Variants in PPFIA2 observed in about 807,000 individuals in gnomAD.
The protein encoded by PPFIA2 is PPFI scaffold protein A2.
In PPFIA2, 46 loss-of-function variants were observed where a neutral mutation model predicts 175.5. That is an observed-to-expected ratio of 0.26 (90% CI 0.21 to 0.34). The LOEUF is 0.34. Among genes scored for constraint, PPFIA2 ranks in the 10% least tolerant of loss-of-function variants. The pLI is 1.00. For missense variants in PPFIA2, 1,179 were observed against 1,506.1 expected (o/e 0.78, Z 3.60); for synonymous variants, 568 against 511.4 (o/e 1.11, Z -1.49).
At chr12:81,398,863 A>C (rs568671287) in intron 8 of PPFIA2, among the ~76,000 whole-genome samples, 1 of 152,138 alleles carries the variant, frequency 6.6e-6, no homozygotes, top group East Asian at 1.9e-4. Context: ...GACAATACTA[A>C]GAGTTAAAAT....
At chr12:81,681,614 C>T (rs538683237) in intron 3 of PPFIA2, among the ~76,000 whole-genome samples, 1 of 151,792 alleles carries the variant, frequency 6.6e-6, no homozygotes, top group East Asian at 2.0e-4. Flanking sequence ...TTTCCCTTGA[C>T]AAACACTTTG....
chr12:81,333,863 A>G (rs1293227780), intron 21 of PPFIA2, among the ~76,000 whole-genome samples: 4 of 152,146 alleles, frequency 2.6e-5, no homozygotes, highest in African/African-American at 4.8e-5. Flanking sequence ...AGTGAGTCCT[A>G]ATCATGCCAC....
chr12:81,416,741 G>C (rs1312284635), intron 7 of PPFIA2, among the ~76,000 whole-genome samples: 3 of 151,590 alleles, frequency 2.0e-5, no homozygotes, highest in Non-Finnish European at 4.4e-5. Flanking sequence ...CTGCTAACTT[G>C]GTTTAGTTTC....
chr12:81,511,874 C>T (rs531988470), intron 4 of PPFIA2, among the ~76,000 whole-genome samples: 1 of 151,630 alleles, frequency 6.6e-6, no homozygotes, highest in Non-Finnish European at 1.5e-5. Context: ...AGAAAGAGTC[C>T]TTTCTTCTAC....
At chr12:81,307,227 A>AC (rs2049483066) in intron 22 of PPFIA2, among the ~76,000 whole-genome samples, 1 of 152,178 alleles carries the variant, frequency 6.6e-6, no homozygotes, top group East Asian at 1.9e-4. Context: ...ATCACTGGTT[A>AC]CCACCATGTG....
intron 4 of PPFIA2, among the ~76,000 whole-genome samples, chr12:81,616,816 T>TA (rs2061459998): frequency 6.6e-6 from 1 of 152,178 alleles, no homozygotes; most frequent in Non-Finnish European, 1.5e-5. Context: ...GTAACATGAT[T>TA]ACAGTGCTTT....
At chr12:81,437,051 T>A (rs913850327) in intron 7 of PPFIA2, among the ~76,000 whole-genome samples, 1 of 152,190 alleles carries the variant, frequency 6.6e-6, no homozygotes, top group African/African-American at 2.4e-5. Flanking sequence ...ATTTATTTTA[T>A]CTATGTAAAA....
chr12:81,726,011 A>T (rs548968643), intron 3 of PPFIA2, among the ~76,000 whole-genome samples: 2 of 151,104 alleles, frequency 1.3e-5, no homozygotes, highest in South Asian at 4.2e-4. Context: ...GTCCTCTCTC[A>T]TATTCACTTT....
chr12:81,456,951 T>C lies in PPFIA2; in HGVS notation c.405+814A>G, dbSNP rs551058385. On this transcript the variant is annotated intron_variant, in intron 5 of 32. Coordinates refer to ENST00000549396, the MANE Select transcript of PPFIA2 (RefSeq NM_003625.5). ...GGCACTCCTCTTTTAATGGGCAGAT[T>C]TTTTTTTCAGTTTTTTTTTCTTGAC... Among the ~76,000 whole-genome samples the C allele has an allele frequency of 3.9e-5, 6 of 151,960 alleles. No homozygotes were observed. In the South Asian group the frequency reaches 1.2e-3, roughly 32 times the overall value.
At chr12:81,671,752 C>G (rs918087176) in intron 4 of PPFIA2, among the ~76,000 whole-genome samples, 1 of 151,838 alleles carries the variant, frequency 6.6e-6, no homozygotes, top group South Asian at 2.1e-4. Flanking sequence ...TACTACATGA[C>G]GTTATTTTCT....
At chr12:81,564,679 C>G (rs1280773424) in intron 4 of PPFIA2, among the ~76,000 whole-genome samples, 1 of 152,126 alleles carries the variant, frequency 6.6e-6, no homozygotes, top group African/African-American at 2.4e-5. Flanking sequence ...AGTTTACTGA[C>G]CCTATACCTA....
chr12:81,425,052 T>C (rs925357682), intron 7 of PPFIA2: 1 of 152,144 alleles, frequency 6.6e-6, no homozygotes, highest in Non-Finnish European at 1.5e-5. Context: ...GTAATTCAGG[T>C]GAATTACTTT....
Position 81,650,110 on chromosome 12 carries a change from C to T in PPFIA2, c.303+26681G>A, listed in dbSNP as rs200851983. Among the ~76,000 whole-genome samples the T allele has an allele frequency of 2.6e-5, 4 of 151,824 alleles. No homozygotes were observed. The East Asian group carries it at 5.8e-4, about 22-fold the overall frequency. ...CTGCAAGCTCCGCCTTCCAGATTCA[C>T]GCCATTCTCCTGCCTCAGCCTCCCC... On this transcript the variant is annotated intron_variant, in intron 4 of 32. Transcript: ENST00000549396.
intron 5 of PPFIA2, 111 bp from the exon 6 acceptor site, chr12:81,445,831 G>T: frequency 2.0e-6 from 2 of 1,024,278 alleles, no homozygotes; most frequent in South Asian, 1.8e-5. Context: ...AATGTTAGCT[G>T]CAGGTTACAC....
intron 3 of PPFIA2, among the ~76,000 whole-genome samples, chr12:81,724,210 TA>T (rs1291954458): frequency 2.6e-5 from 4 of 151,014 alleles, no homozygotes; most frequent in Non-Finnish European, 5.9e-5. Context: ...TCGTTCTACA[TA>T]AAGTTTCCAA....
chr12:81,604,382 C>T (rs1284727427), intron 4 of PPFIA2, among the ~76,000 whole-genome samples: 1 of 151,468 alleles, frequency 6.6e-6, no homozygotes, highest in African/African-American at 2.4e-5. Context: ...TGGTCATCAT[C>T]CTTTTCCTAT....
chr12:81,569,756 T>G (rs1333107977), intron 4 of PPFIA2, among the ~76,000 whole-genome samples: 1 of 152,182 alleles, frequency 6.6e-6, no homozygotes, highest in East Asian at 1.9e-4. Context: ...ACAAGGATAC[T>G]GCAAAGAGCT....
At chr12:81,435,031 A>G (rs1269054356) in intron 7 of PPFIA2, among the ~76,000 whole-genome samples, 1 of 152,172 alleles carries the variant, frequency 6.6e-6, no homozygotes, top group East Asian at 1.9e-4. Flanking sequence ...TTTACATAGC[A>G]GAATGTTTTG....
At chr12:81,671,831 C>G (rs759058078) in intron 4 of PPFIA2, among the ~76,000 whole-genome samples, 4 of 151,898 alleles carry the variant, frequency 2.6e-5, no homozygotes, top group Non-Finnish European at 5.9e-5. Context: ...ACTTGGCGAA[C>G]TTCAATTCAT....
Sources: gnomAD v4.1 joint callset for allele counts (sites outside exome capture counted in the v4.1 genomes callset) on GRCh38, gnomAD v4.1.1 for gene constraint, MANE v1.5 for transcripts, NCBI Gene and HGNC (gene_info 2026-07-23, HGNC 2026-07-21) for gene names.